The following SLC8A3 variants were observed in gnomAD, a reference collection of about 807,000 sequenced individuals.
SLC8A3 encodes the protein sodium/calcium exchanger 3.
SLC8A3 carries 37 observed loss-of-function variants against 65.4 expected under a neutral mutation model. The observed-to-expected ratio is 0.57, with a 90% CI of 0.44 to 0.74. SLC8A3 has a LOEUF of 0.74. SLC8A3 is among the 30% of genes least tolerant of loss of function. The pLI, the probability that SLC8A3 is intolerant of heterozygous loss-of-function variation, is 0.00. For missense variants in SLC8A3, 1,112 were observed against 1,172.1 expected, an observed-to-expected ratio of 0.95 and a Z score of 0.75; for synonymous variants, 461 against 444.5, an observed-to-expected ratio of 1.04 and a Z score of -0.47.
intron 2 of SLC8A3, among the ~76,000 whole-genome samples, chr14:70,078,255 C>T (rs991614133): frequency 6.6e-6 from 1 of 152,146 alleles, no homozygotes; most frequent in Non-Finnish European, 1.5e-5. Flanking sequence ...GCCTGGAGGG[C>T]CTTTAATCAA....
intron 1 of SLC8A3, among the ~76,000 whole-genome samples, chr14:70,169,694 G>A (rs1402786724): frequency 1.5e-5 from 2 of 132,778 alleles, no homozygotes; most frequent in Non-Finnish European, 1.5e-5. Flanking sequence ...AAAAAAGTGG[G>A]GGGGGGGGCG....
chr14:70,092,706 T>C (rs1891888003), intron 2 of SLC8A3, among the ~76,000 whole-genome samples: 1 of 151,990 alleles, frequency 6.6e-6, no homozygotes, highest in East Asian at 1.9e-4. Flanking sequence ...GGTAGTAATG[T>C]CTCCAGCCCA....
chr14:70,106,240 C>G (rs943596043), intron 2 of SLC8A3, among the ~76,000 whole-genome samples: 2 of 152,020 alleles, frequency 1.3e-5, no homozygotes, highest in East Asian at 1.9e-4. Context: ...TGCAGTAAAA[C>G]AAGAAAAAAG....
chr14:70,160,197 C>A (rs1409056860), intron 2 of SLC8A3, among the ~76,000 whole-genome samples: 2 of 152,144 alleles, frequency 1.3e-5, no homozygotes, highest in Middle Eastern at 3.2e-3. Flanking sequence ...GTAATCCCAG[C>A]TTTTTGGGAG....
At chr14:70,081,197 T>A (rs527332639) in intron 2 of SLC8A3, among the ~76,000 whole-genome samples, 1 of 152,180 alleles carries the variant, frequency 6.6e-6, no homozygotes. Context: ...GAGAGGGTCC[T>A]AGGCAGCACT....
At chr14:70,163,108 A>G (rs1896977456) in intron 2 of SLC8A3, among the ~76,000 whole-genome samples, 1 of 152,248 alleles carries the variant, frequency 6.6e-6, no homozygotes, top group Non-Finnish European at 1.5e-5. Context: ...TAATGTAGCT[A>G]GTACATAGCA....
intron 2 of SLC8A3, among the ~76,000 whole-genome samples, chr14:70,117,278 C>T (rs1235807096): frequency 6.6e-6 from 1 of 152,208 alleles, no homozygotes; most frequent in Non-Finnish European, 1.5e-5. Context: ...CATCCAGTGA[C>T]TAGCATGATT....
chr14:70,140,889 A>G (rs1260463691), intron 2 of SLC8A3, among the ~76,000 whole-genome samples: 2 of 152,108 alleles, frequency 1.3e-5, no homozygotes, highest in Non-Finnish European at 2.9e-5. Flanking sequence ...CTTCCCCCTA[A>G]TTAGACTATA....
At chr14:70,180,596 T>C (rs953008556) in intron 1 of SLC8A3, among the ~76,000 whole-genome samples, 1 of 151,970 alleles carries the variant, frequency 6.6e-6, no homozygotes, top group African/African-American at 2.4e-5. Flanking sequence ...GGGGAGAGAG[T>C]ACAGTGGTAT....
At chr14:70,145,598 C>T (rs569096286) in intron 2 of SLC8A3, among the ~76,000 whole-genome samples, 5 of 152,276 alleles carry the variant, frequency 3.3e-5, no homozygotes, top group African/African-American at 1.2e-4. Context: ...AGGGGGATTC[C>T]CCTTAGATGA....
intron 2 of SLC8A3, among the ~76,000 whole-genome samples, chr14:70,130,215 G>A (rs116784862): frequency 0.032 from 4,912 of 152,310 alleles, 137 homozygotes; most frequent in South Asian, 0.15. Flanking sequence ...TACTGAGCCC[G>A]CCTATGCATG....
chr14:70,071,488 G>A (rs1439758561), intron 2 of SLC8A3, among the ~76,000 whole-genome samples: 3 of 152,190 alleles, frequency 2.0e-5, no homozygotes, highest in Non-Finnish European at 4.4e-5. Flanking sequence ...TAGGAACATA[G>A]GCAGCCTGTA....
intron 4 of SLC8A3, among the ~76,000 whole-genome samples, chr14:70,051,628 T>G (rs1014983493): frequency 1.3e-5 from 2 of 152,166 alleles, no homozygotes; most frequent in African/African-American, 2.4e-5. Context: ...AAATTGGCTA[T>G]TTAGAATAAT....
At chr14:70,069,661 C>G (rs1889818167) in intron 2 of SLC8A3, among the ~76,000 whole-genome samples, 1 of 152,134 alleles carries the variant, frequency 6.6e-6, no homozygotes, top group South Asian at 2.1e-4. Flanking sequence ...GGACTGAACC[C>G]CCCACCGCCA....
At chr14:70,176,258 T>C (rs1021546726) in intron 1 of SLC8A3, among the ~76,000 whole-genome samples, 2 of 152,134 alleles carry the variant, frequency 1.3e-5, no homozygotes, top group African/African-American at 2.4e-5. Flanking sequence ...TTAATTTAAG[T>C]TTTGTTTTTC....
chr14:70,148,384 G>C (rs1348713043), intron 2 of SLC8A3, among the ~76,000 whole-genome samples: 1 of 152,148 alleles, frequency 6.6e-6, no homozygotes, highest in African/African-American at 2.4e-5. Context: ...TTGTTTGCTT[G>C]CTTGCTTGTT....
chr14:70,069,240 A>G (rs1392682433), intron 2 of SLC8A3, among the ~76,000 whole-genome samples: 1 of 152,234 alleles, frequency 6.6e-6, no homozygotes, highest in Non-Finnish European at 1.5e-5. Flanking sequence ...AAATCCCAGC[A>G]GCACAGGCAG....
intron 2 of SLC8A3, among the ~76,000 whole-genome samples, chr14:70,099,159 C>T (rs536403834): frequency 5.9e-5 from 9 of 152,228 alleles, no homozygotes; most frequent in East Asian, 5.8e-4. Context: ...TTTCACATCC[C>T]GAGAAGGAGG....
At chr14:70,083,107 T>G (rs918198393) in intron 2 of SLC8A3, among the ~76,000 whole-genome samples, 17 of 152,192 alleles carry the variant, frequency 1.1e-4, no homozygotes, top group African/African-American at 4.1e-4. Context: ...TCCACATGAT[T>G]AGTTTCTACT....
Sources: gnomAD v4.1 joint callset for allele counts (sites outside exome capture counted in the v4.1 genomes callset) on GRCh38, gnomAD v4.1.1 for gene constraint, MANE v1.5 for transcripts, NCBI Gene and HGNC (gene_info 2026-07-23, HGNC 2026-07-21) for gene names.